Variants in R3HCC1L observed in about 807,000 individuals in gnomAD.
R3HCC1L encodes R3H domain and coiled-coil containing 1 like, also known as coiled-coil domain-containing protein R3HCC1L.
A neutral mutation model predicts 59.9 loss-of-function variants in R3HCC1L; 51 were observed. The observed-to-expected ratio is 0.85, with a 90% CI of 0.68 to 1.07. The LOEUF (loss-of-function observed/expected upper bound fraction) is 1.07. Ranked by LOEUF, R3HCC1L falls within the 50% of genes least tolerant of loss-of-function variation. The pLI is 0.00. For synonymous variants in R3HCC1L, 322 were observed against 315.2 expected (o/e 1.02, Z -0.23); for missense variants, 965 against 933.0 (o/e 1.03, Z -0.45).
At chr10:98,141,234 T>C (rs1442093431) in intron 1 of R3HCC1L, among the ~76,000 whole-genome samples, 2 of 152,234 alleles carry the variant, frequency 1.3e-5, no homozygotes, top group African/African-American at 2.4e-5. Flanking sequence ...ACAGACTATA[T>C]GTTATTCATC....
chr10:98,161,679 C>T (rs1029123903), intron 2 of R3HCC1L, among the ~76,000 whole-genome samples: 11 of 152,020 alleles, frequency 7.2e-5, no homozygotes, highest in African/African-American at 1.4e-4. Context: ...AATAAAAAGA[C>T]GAATTTTGCC....
At chr10:98,182,738 G>A (rs905855050) in intron 4 of R3HCC1L, among the ~76,000 whole-genome samples, 2 of 152,122 alleles carry the variant, frequency 1.3e-5, no homozygotes, top group African/African-American at 2.4e-5. Flanking sequence ...CTCAAGCCTC[G>A]GCAATGGTGG....
intron 4 of R3HCC1L, among the ~76,000 whole-genome samples, chr10:98,177,311 C>T (rs187161933): frequency 1.3e-5 from 2 of 152,128 alleles, no homozygotes; most frequent in Admixed American, 1.3e-4. Context: ...ATAGTTTGCT[C>T]AGAATGATGG....
intron 4 of R3HCC1L, among the ~76,000 whole-genome samples, chr10:98,171,408 T>C (rs1400655972): frequency 6.6e-6 from 1 of 152,206 alleles, no homozygotes; most frequent in Non-Finnish European, 1.5e-5. Context: ...CAATAGCATG[T>C]TCTTTTTTGA....
chr10:98,178,790 G>T (rs1183158470), intron 4 of R3HCC1L, among the ~76,000 whole-genome samples: 2 of 152,182 alleles, frequency 1.3e-5, no homozygotes, highest in East Asian at 3.8e-4. Flanking sequence ...TCCCTTGTAA[G>T]TTGGATTCCT....
intron 1 of R3HCC1L, among the ~76,000 whole-genome samples, chr10:98,146,097 A>C (rs1324123191): frequency 1.3e-5 from 2 of 152,232 alleles, no homozygotes; most frequent in African/African-American, 4.8e-5. Context: ...CAGAAACATC[A>C]AATTTATTAC....
At chr10:98,226,116 A>G (rs904392313) in intron 5 of R3HCC1L, among the ~76,000 whole-genome samples, 1 of 152,186 alleles carries the variant, frequency 6.6e-6, no homozygotes. Flanking sequence ...CTGGGATTAC[A>G]GGTCTGTGCC....
chr10:98,196,070 AGAG>A (rs1310200918), intron 4 of R3HCC1L, among the ~76,000 whole-genome samples: 1 of 152,216 alleles, frequency 6.6e-6, no homozygotes, highest in Non-Finnish European at 1.5e-5. Context: ...TGTGGTGAAT[AGAG>A]GAGTGCAAAA....
intron 5 of R3HCC1L, among the ~76,000 whole-genome samples, chr10:98,215,776 G>A (rs1003706201): frequency 6.6e-6 from 1 of 152,194 alleles, no homozygotes; most frequent in African/African-American, 2.4e-5. Context: ...TATGTTGATT[G>A]TGATGCGTCC....
intron 4 of R3HCC1L, among the ~76,000 whole-genome samples, chr10:98,170,048 A>T (rs1848365244): frequency 6.6e-6 from 1 of 152,140 alleles, no homozygotes; most frequent in African/African-American, 2.4e-5. Context: ...CCTTAATGGT[A>T]ATGAGTATTA....
chr10:98,149,114 A>G (rs1845918450), intron 1 of R3HCC1L, among the ~76,000 whole-genome samples: 1 of 152,100 alleles, frequency 6.6e-6, no homozygotes. Context: ...GTGTCCAGGA[A>G]TTTATCCATT....
rs367877660 is a variant in R3HCC1L, at chr10:98,153,753, T to C, written c.-267-2340T>C. 4.6e-5 allele frequency among the ~76,000 whole-genome samples: 7 copies of C among 151,080 alleles called. No individual in the cohort carries two copies. In the South Asian group the frequency reaches 1.0e-3, roughly 23 times the overall value. Reference sequence around the variant, plus strand: ...AAACAGGATCTAAGGTCATGCCAAGTAAGGATTGAGTTACACACTCCTGCA... The same window carrying C: ...AAACAGGATCTAAGGTCATGCCAAGCAAGGATTGAGTTACACACTCCTGCA... On this transcript the variant is annotated intron_variant, in intron 1 of 9. Coordinates refer to ENST00000298999, the MANE Select transcript of R3HCC1L (RefSeq NM_001351015.2).
chr10:98,168,729 G>A (rs1272095490), intron 4 of R3HCC1L, among the ~76,000 whole-genome samples: 3 of 152,170 alleles, frequency 2.0e-5, no homozygotes, highest in African/African-American at 7.2e-5. Context: ...AATACCATCT[G>A]CAGTTGGTAT....
In R3HCC1L at chr10:98,209,194, T is replaced by G. The variant is rs1327468859; in HGVS notation, c.1080T>G (p.His360Gln). 1.4e-5 allele frequency: 23 copies of G among 1,613,590 alleles called. No individual in the cohort carries two copies. The highest frequency in any genetic ancestry group is 1.9e-5 in the Non-Finnish European group (23 of 1,179,826). Reference protein sequence around the residue: ...PDTAVLAHETHRDSGFKNVGD... With the variant: ...PDTAVLAHETQRDSGFKNVGD... ...CAGCTGTCCTTGCTCATGAAACACA[T>G]AGAGATAGTGGATTTAAGAATGTAG... The change falls in exon 5 of 10, where the codon CAT becomes CAG. Residue 360 changes from histidine to glutamine, a missense_variant. Physicochemically the swap from His to Gln is conservative, Grantham distance 24. Transcript: ENST00000298999.
intron 4 of R3HCC1L, among the ~76,000 whole-genome samples, chr10:98,198,577 T>C (rs117601788): frequency 0.014 from 2,104 of 152,176 alleles, 17 homozygotes; most frequent in Non-Finnish European, 0.023. Flanking sequence ...GAAAAATGCT[T>C]CTAAATTTGT....
At chr10:98,191,399 G>T (rs1305764367) in intron 4 of R3HCC1L, among the ~76,000 whole-genome samples, 1 of 152,204 alleles carries the variant, frequency 6.6e-6, no homozygotes, top group African/African-American at 2.4e-5. Flanking sequence ...TTTCTCTGAT[G>T]ACCAGTGAAG....
intron 1 of R3HCC1L, among the ~76,000 whole-genome samples, chr10:98,150,156 A>C (rs755236887): frequency 3.3e-5 from 5 of 152,134 alleles, no homozygotes; most frequent in Non-Finnish European, 5.9e-5. Flanking sequence ...ATACTATTTC[A>C]ATCTCTTTGT....
intron 5 of R3HCC1L, among the ~76,000 whole-genome samples, chr10:98,212,777 T>C (rs1014934863): frequency 2.0e-5 from 3 of 152,146 alleles, no homozygotes; most frequent in Non-Finnish European, 4.4e-5. Flanking sequence ...GAACATAACA[T>C]TGATGTTGAT....
intron 1 of R3HCC1L, among the ~76,000 whole-genome samples, chr10:98,147,440 T>A (rs1266312619): frequency 1.3e-5 from 2 of 152,208 alleles, no homozygotes; most frequent in East Asian, 3.8e-4. Flanking sequence ...CTATTTTGCC[T>A]GGGTTGCATG....
Sources: allele counts gnomAD v4.1 joint callset (sites outside exome capture counted in the v4.1 genomes callset), GRCh38; gene constraint gnomAD v4.1.1; transcripts MANE v1.5; gene names NCBI Gene and HGNC (gene_info 2026-07-23, HGNC 2026-07-21).